HK1: variants seen among roughly 807,000 people sequenced by gnomAD.
The protein encoded by HK1 is hexokinase 1, also known as hexokinase-1.
A neutral mutation model predicts 91.6 loss-of-function variants in HK1; 28 were observed. The observed-to-expected ratio is 0.31, with a 90% CI of 0.23 to 0.42. HK1 has a LOEUF of 0.42. Among genes scored for constraint, HK1 ranks in the 10% least tolerant of loss-of-function variants. HK1 has a pLI of 1.00. For missense variants in HK1, 770 were observed against 1,219.8 expected (o/e 0.63, Z 5.49); for synonymous variants, 430 against 468.1 (o/e 0.92, Z 1.05).
chr10:69,386,973 T>C (rs1839667324), intron 13 of HK1, among the ~76,000 whole-genome samples: 3 of 151,942 alleles, frequency 2.0e-5, no homozygotes, highest in South Asian at 4.1e-4. Context: ...CTCATACAAA[T>C]TGAAAAAGAG....
intron 2 of HK1, among the ~76,000 whole-genome samples, chr10:69,356,035 G>A (rs1324325191): frequency 1.3e-5 from 2 of 152,142 alleles, no homozygotes; most frequent in African/African-American, 2.4e-5. Flanking sequence ...CTCTTAGAAC[G>A]AAATACAGGT....
chr10:69,350,276 C>T, intron 2 of HK1, among the ~76,000 whole-genome samples: 1 of 152,190 alleles, frequency 6.6e-6, no homozygotes, highest in Admixed American at 6.5e-5. Context: ...TTCAGCCCCA[C>T]TTCCAACCTC....
intron 2 of HK1, chr10:69,288,584 AGGGTGT>A (rs908442664): frequency 1.3e-6 from 1 of 760,650 alleles, no homozygotes; most frequent in African/African-American, 1.7e-5. Context: ...TCTCAGTATT[AGGGTGT>A]TTAGCTTCCT....
chr10:69,299,978 T>C (rs1845774313), intron 4 of HK1, among the ~76,000 whole-genome samples: 1 of 151,152 alleles, frequency 6.6e-6, no homozygotes, highest in Admixed American at 6.6e-5. Flanking sequence ...ATTTTTTTTT[T>C]CAGTAGAGAC....
At chr10:69,338,775 G>A (rs1343530565) in intron 1 of HK1, 3 of 1,082,226 alleles carry the variant, frequency 2.8e-6, no homozygotes, top group Non-Finnish European at 3.7e-6. Context: ...GTGTATGTGA[G>A]AGTGTGTGTG....
intron 2 of HK1, among the ~76,000 whole-genome samples, chr10:69,285,405 CAG>C (rs1844981615): frequency 6.6e-6 from 1 of 152,166 alleles, no homozygotes; most frequent in South Asian, 2.1e-4. Flanking sequence ...GCCTGGGCGA[CAG>C]AGAGAGATTC....
intron 4 of HK1, among the ~76,000 whole-genome samples, chr10:69,366,388 A>G (rs1325002563): frequency 1.3e-5 from 2 of 152,104 alleles, no homozygotes; most frequent in Non-Finnish European, 2.9e-5. Context: ...CCATTAGGGT[A>G]AGCGTCCTTT....
Position 69,363,760 on chromosome 10 carries a change from G to A in HK1, c.376-1023G>A, listed in dbSNP as rs147542972. Among the ~76,000 whole-genome samples, 244 of 152,316 alleles carry A rather than the reference G, an allele frequency of 1.6e-3. 2 individuals carry two copies. Among genetic ancestry groups the A allele is most frequent in the African/African-American group, 5.5e-3 (229 of 41,556 alleles). ...AGAGGTGTTGAGCCTCTCCTCATGG[G>A]CAGTATTCATGTAGAAGCTAGGGAC... On this transcript the variant is annotated intron_variant, in intron 3 of 17. Coordinates refer to ENST00000359426, the MANE Select transcript of HK1 (RefSeq NM_000188.3).
At chr10:69,275,525 G>A (rs189736380) in intron 1 of HK1, among the ~76,000 whole-genome samples, 1 of 152,212 alleles carries the variant, frequency 6.6e-6, no homozygotes, top group African/African-American at 2.4e-5. Flanking sequence ...CTTCTGTAAA[G>A]GGCCAGGCAG....
At position 69,319,151 on chromosome 10, in the gene HK1, G is replaced by T. The variant is rs1404975197; in HGVS notation, c.63+141G>T. The T allele has an allele frequency of 4.1e-6, 4 of 969,194 alleles. No homozygotes were observed. The East Asian group carries it at 1.1e-4, about 25-fold the overall frequency. The allele number at this position is 969,194 out of a possible 1,614,324, so 60.0% of individuals were successfully genotyped here. On this transcript the variant is annotated intron_variant, in intron 1 of 17. Coordinates refer to ENST00000359426, the MANE Select transcript of HK1 (RefSeq NM_000188.3). ...AGTTGGACTGCAGGGCGCAAGGAAAGCCTTCGCCTTCGATTCTACCGGCAT... is the reference window on the plus strand; with the variant it reads ...AGTTGGACTGCAGGGCGCAAGGAAATCCTTCGCCTTCGATTCTACCGGCAT...
At chr10:69,390,107 C>G (rs371631640) in intron 14 of HK1, among the ~76,000 whole-genome samples, 14 of 152,342 alleles carry the variant, frequency 9.2e-5, no homozygotes, top group African/African-American at 3.4e-4. Flanking sequence ...AGCAGGCTGC[C>G]TTCCAGGTGC....
intron 2 of HK1, among the ~76,000 whole-genome samples, chr10:69,347,882 C>G (rs1360715028): frequency 6.6e-6 from 1 of 152,154 alleles, no homozygotes; most frequent in African/African-American, 2.4e-5. Flanking sequence ...AGGAGAAAAG[C>G]ATTTTCCAGC....
At chr10:69,376,880 C>T (rs761910219) in intron 7 of HK1, 54 bp from the exon 8 acceptor site, 189 of 1,606,646 alleles carry the variant, frequency 1.2e-4, no homozygotes, top group East Asian at 8.3e-4. Context: ...TCCCAGCCCT[C>T]GTGTGTGGGG....
chr10:69,360,271 G>C (rs1383083865), intron 3 of HK1, among the ~76,000 whole-genome samples: 2 of 152,258 alleles, frequency 1.3e-5, no homozygotes, highest in Admixed American at 1.3e-4. Context: ...TGGTGTAGTG[G>C]AAGTGGGCTG....
At chr10:69,300,973 G>A (rs544134136) in intron 5 of HK1, 15 of 635,456 alleles carry the variant, frequency 2.4e-5, no homozygotes, top group East Asian at 2.1e-4. Context: ...AGCCAGGCAC[G>A]GTGGCTCACG....
intron 1 of HK1, among the ~76,000 whole-genome samples, chr10:69,337,841 G>T (rs193200635): frequency 2.0e-5 from 3 of 152,332 alleles, no homozygotes; most frequent in Admixed American, 1.3e-4. Context: ...CTTCCACGGG[G>T]TGGGGTGAAA....
At chr10:69,322,332 A>G (rs1218047219) in intron 1 of HK1, among the ~76,000 whole-genome samples, 2 of 151,894 alleles carry the variant, frequency 1.3e-5, no homozygotes, top group East Asian at 3.9e-4. Context: ...CAATAATTCA[A>G]CTCCATAAAA....
chr10:69,335,707 G>A (rs1458431847), intron 1 of HK1, among the ~76,000 whole-genome samples: 5 of 152,218 alleles, frequency 3.3e-5, no homozygotes, highest in African/African-American at 7.2e-5. Context: ...AGGTAAACGC[G>A]CTGTGCCAAT....
rs369415040 is a variant in HK1 at position 69,380,190 on chromosome 10, C to T, written c.1265+95C>T. 79 of 1,010,854 alleles carry T rather than the reference C, an allele frequency of 7.8e-5. 2 individuals are homozygous for T. The highest frequency in any genetic ancestry group is 4.4e-4 in the African/African-American group (28 of 63,062). The allele number at this position is 1,010,854 out of a possible 1,614,324, so 62.6% of individuals were successfully genotyped here. A position where few individuals can be genotyped will look rare whatever the true frequency, so the allele number is the denominator to read the frequency against. ...ACTTTTGTACCCGGTAAACGTTTTTCGGCAGACAAGACAATGGTGGTCGGG... is the reference window on the plus strand; with the variant it reads ...ACTTTTGTACCCGGTAAACGTTTTTTGGCAGACAAGACAATGGTGGTCGGG... On this transcript the variant is annotated intron_variant, in intron 9 of 17. Coordinates refer to ENST00000359426, the MANE Select transcript of HK1 (RefSeq NM_000188.3). This position sits in a 1 kb window ranked among gnomAD's most constrained non-coding sequence, Gnocchi z 4.0.
Sources: allele counts gnomAD v4.1 joint callset (sites outside exome capture counted in the v4.1 genomes callset), GRCh38; gene constraint gnomAD v4.1.1; non-coding constraint Gnocchi (gnomAD v3.1); transcripts MANE v1.5; gene names NCBI Gene and HGNC (gene_info 2026-07-23, HGNC 2026-07-21).